XRN1: variants seen among roughly 807,000 people sequenced by gnomAD.
XRN1 encodes strand-exchange protein 1 homolog.
XRN1 carries 67 observed loss-of-function variants against 222.3 expected under a neutral mutation model. The observed-to-expected ratio is 0.30, with a 90% CI of 0.25 to 0.37. XRN1 has a LOEUF of 0.37. XRN1 is among the 10% of genes least tolerant of loss of function. The probability of loss-of-function intolerance (pLI) is 1.00; values close to 1 mark genes in which losing one functional copy is unlikely to be tolerated. For missense variants in XRN1, 1,707 were observed against 2,000.2 expected, an observed-to-expected ratio of 0.85 and a Z score of 2.80; for synonymous variants, 643 against 652.4, an observed-to-expected ratio of 0.99 and a Z score of 0.22.
chr3:142,386,947 G>A (rs1283933093), intron 20 of XRN1, among the ~76,000 whole-genome samples: 1 of 152,068 alleles, frequency 6.6e-6, no homozygotes, highest in Non-Finnish European at 1.5e-5. Context: ...GCTGAATGTA[G>A]GCATATGCTA....
Position 142,400,546 on chromosome 3 carries a change from G to C in XRN1, c.2105C>G (p.Thr702Ser). ...ILVDAESDEL[T>S]VENVASSVLG... ...CACTGATGAAGCTACATTTTCTACG[G>C]TCTTAAAGTAAAAGCAAAAAAGTTC... The change falls in exon 19 of 41, where the codon ACC becomes AGC. Residue 702 changes from threonine (T) to serine (S), a missense_variant and splice_region_variant. Transcript: ENST00000392981. The C allele has an allele frequency of 6.2e-7, 1 of 1,606,628 alleles. No individual in the cohort carries two copies. The highest frequency in any genetic ancestry group is 8.5e-7 in the Non-Finnish European group (1 of 1,176,648).
intron 20 of XRN1, among the ~76,000 whole-genome samples, chr3:142,389,244 A>C (rs2067625726): frequency 1.3e-5 from 2 of 152,082 alleles, no homozygotes; most frequent in African/African-American, 4.8e-5. Flanking sequence ...GCAATTCCTC[A>C]TCCATTCAAG....
intron 33 of XRN1, among the ~76,000 whole-genome samples, chr3:142,339,926 T>G (rs2065945880): frequency 6.6e-6 from 1 of 151,814 alleles, no homozygotes; most frequent in Non-Finnish European, 1.5e-5. Flanking sequence ...ACAAAGATAG[T>G]GAAATAATTA....
Position 142,347,292 on chromosome 3 carries a change from A to G in XRN1, c.3819T>C (p.Ser1273=). Reference sequence around the variant, plus strand: ...ATTTAACACTGTTGTCATTAAAGCCAGATTTATGATGTTGATTTACTTGGC... The same window carrying G: ...ATTTAACACTGTTGTCATTAAAGCCGGATTTATGATGTTGATTTACTTGGC... ...EISQVNQHHK[S]GFNDNSVKYQ... The change falls in exon 33 of 41, where the codon TCT becomes TCC. Residue 1273 remains serine (S), a synonymous_variant. Coordinates refer to ENST00000392981, the MANE Select transcript of XRN1 (RefSeq NM_001282857.2). 1 of 1,607,950 alleles carries G rather than the reference A, an allele frequency of 6.2e-7. No individual in the cohort carries two copies. Among genetic ancestry groups the G allele is most frequent in the African/African-American group, 1.3e-5 (1 of 74,936 alleles).
At chr3:142,334,767 T>TATACAC (rs1553854130) in intron 34 of XRN1, among the ~76,000 whole-genome samples, 1 of 90,350 alleles carries the variant, frequency 1.1e-5, no homozygotes. Flanking sequence ...TGTCTATGTA[T>TATACAC]ACACACACAC....
At chr3:142,434,710 T>C (rs1015404621) in intron 1 of XRN1, among the ~76,000 whole-genome samples, 8 of 152,096 alleles carry the variant, frequency 5.3e-5, no homozygotes, top group South Asian at 4.1e-4. Flanking sequence ...TGAGTGGTGA[T>C]TGCATCACCA....
chr3:142,440,229 G>T (rs1382254328), intron 1 of XRN1, among the ~76,000 whole-genome samples: 2 of 152,074 alleles, frequency 1.3e-5, no homozygotes, highest in South Asian at 4.1e-4. Flanking sequence ...AGGACAGCCA[G>T]TCACTAGATA....
Position 142,403,888 on chromosome 3 carries a change from A to C in XRN1, c.1985T>G (p.Leu662Arg). 1 of 1,613,324 alleles carries C rather than the reference A, an allele frequency of 6.2e-7. No homozygotes were observed. The highest frequency in any genetic ancestry group is 8.5e-7 in the Non-Finnish European group (1 of 1,179,580). ...KALYFCGFPT[L>R]KHIRHKFFLK... ...ACTGACTTTGTGTCTGATGTGTTTC[A>C]GAGTAGGAAATCCACAGAAATATAA... Residue 662 changes from leucine to arginine, a missense_variant, in exon 17 of 41, where the codon CTG becomes CGG. By Grantham distance (102) the Leu-to-Arg change is moderately radical (BLOSUM62 -2). Coordinates refer to ENST00000392981, the MANE Select transcript of XRN1 (RefSeq NM_001282857.2).
chr3:142,387,526 A>G (rs1469088550), intron 20 of XRN1, among the ~76,000 whole-genome samples: 1 of 152,198 alleles, frequency 6.6e-6, no homozygotes, highest in Non-Finnish European at 1.5e-5. Context: ...GAGACATTTC[A>G]GGTTCAGTTC....
At chr3:142,390,856 A>T in intron 20 of XRN1, among the ~76,000 whole-genome samples, 1 of 152,138 alleles carries the variant, frequency 6.6e-6, no homozygotes, top group East Asian at 1.9e-4. Flanking sequence ...CTTTCACTTG[A>T]CTACTTAAGA....
At chr3:142,333,474 T>C (rs2065761585) in intron 34 of XRN1, among the ~76,000 whole-genome samples, 1 of 152,190 alleles carries the variant, frequency 6.6e-6, no homozygotes, top group Non-Finnish European at 1.5e-5. Context: ...TTTTGTATCA[T>C]AAGAAAAGGG....
intron 14 of XRN1, among the ~76,000 whole-genome samples, chr3:142,413,859 T>C (rs1577392977): frequency 6.6e-6 from 1 of 152,304 alleles, no homozygotes; most frequent in East Asian, 1.9e-4. Context: ...TTAGCCTACT[T>C]TCTTCAGTGT....
Position 142,404,920 on chromosome 3 carries a change from G to A in XRN1, c.1870C>T (p.Arg624Ter). Reference protein sequence around the residue: ...PWPEKFPAIERCCTRYKIISL... With the variant: ...PWPEKFPAIE ...AAGTAACATTACCTTGTACAACATC[G>A]TTCTATGGCAGGGAACTTTTCTGGC... Residue 624 changes from arginine (R) to a stop codon, truncating the protein, a stop_gained, in exon 16 of 41, where the codon CGA becomes TGA. Coordinates refer to ENST00000392981, the MANE Select transcript of XRN1 (RefSeq NM_001282857.2). LOFTEE classifies it high-confidence loss of function. 5 of 1,613,856 alleles carry A rather than the reference G, an allele frequency of 3.1e-6. No individual in the cohort carries two copies. The highest frequency in any genetic ancestry group is 3.4e-6 in the Non-Finnish European group (4 of 1,179,866).
chr3:142,408,325 CA>C (rs1237245245), intron 15 of XRN1, among the ~76,000 whole-genome samples: 1 of 152,068 alleles, frequency 6.6e-6, no homozygotes, highest in Admixed American at 6.5e-5. Flanking sequence ...ATACATGTGC[CA>C]TTTTATTACC....
intron 13 of XRN1, among the ~76,000 whole-genome samples, chr3:142,415,705 G>GT (rs923371333): frequency 6.6e-6 from 1 of 152,196 alleles, no homozygotes; most frequent in Non-Finnish European, 1.5e-5. Context: ...GCTTTATGTA[G>GT]TAAGTGAAAC....
Position 142,367,077 on chromosome 3 carries a change from C to T in XRN1, c.3205-1711G>A, listed in dbSNP as rs183465786. On this transcript the variant is annotated intron_variant, in intron 27 of 40. Coordinates refer to ENST00000392981, the MANE Select transcript of XRN1 (RefSeq NM_001282857.2). ...CCGAGGCAGGTGGATCACCTGAAGT[C>T]AGGAGATCAAGACCAGCCTGACCAA... is the stretch of plus-strand genomic sequence containing the variant. 4.2e-3 allele frequency among the ~76,000 whole-genome samples: 645 copies of T among 152,272 alleles called. 12 individuals are homozygous for T. The highest frequency in any genetic ancestry group is 0.015 in the African/African-American group (625 of 41,540).
rs2065007102 is a variant in XRN1 at position 142,308,208 on chromosome 3, T to G, written c.*3303A>C. 6.6e-6 allele frequency: 1 copy of G among 152,334 alleles called. No individual in the cohort carries two copies. Among genetic ancestry groups the G allele is most frequent in the African/African-American group, 2.4e-5 (1 of 41,568 alleles). The allele number at this position is 152,334 out of a possible 1,614,324, so 9.4% of individuals were successfully genotyped here. ...AAGACCTTACAGTTTATCTATTTCC[T>G]TGTGCTAGAAAGATACGGTATAGTC... On this transcript the variant is annotated 3_prime_UTR_variant, in exon 41 of 41. Transcript: ENST00000392981.
intron 37 of XRN1, among the ~76,000 whole-genome samples, chr3:142,319,952 A>G (rs2065308754): frequency 6.6e-6 from 1 of 152,106 alleles, no homozygotes; most frequent in African/African-American, 2.4e-5. Flanking sequence ...ATACCCACAC[A>G]CATTTTCTTT....
chr3:142,364,370 T>A (rs2066752461), intron 29 of XRN1, among the ~76,000 whole-genome samples: 1 of 152,154 alleles, frequency 6.6e-6, no homozygotes. Context: ...ATAAAGCTGG[T>A]TATTCCAGGA....
Sources: gnomAD v4.1 joint callset for allele counts (sites outside exome capture counted in the v4.1 genomes callset) on GRCh38, gnomAD v4.1.1 for gene constraint, MANE v1.5 for transcripts, NCBI Gene and HGNC (gene_info 2026-07-23, HGNC 2026-07-21) for gene names.